CHRM3: variants seen among roughly 807,000 people sequenced by gnomAD.
CHRM3 encodes the protein cholinergic receptor muscarinic 3, also known as muscarinic acetylcholine receptor M3.
Under a neutral mutation model 41.8 loss-of-function variants are expected in CHRM3, and 11 were observed. The observed-to-expected ratio is 0.26, with a 90% confidence interval of 0.17 to 0.44. The LOEUF (loss-of-function observed/expected upper bound fraction) is 0.44. Among genes scored for constraint, CHRM3 ranks in the 20% least tolerant of loss-of-function variants. The pLI is 1.00. For synonymous variants in CHRM3, 297 were observed against 301.4 expected (o/e 0.99, Z 0.15); for missense variants, 571 against 745.4 (o/e 0.77, Z 2.72).
chr1:239,743,788 CTTTTTTTTTTTTT>C (rs10718514), intron 5 of CHRM3, among the ~76,000 whole-genome samples: 22 of 81,186 alleles, frequency 2.7e-4, no homozygotes, highest in Non-Finnish European at 3.9e-4. Context: ...TTTTTTTTTT[CTTTTTTTTTTTTT>C]TTTTTTTTTG....
At position 239,911,978 on chromosome 1, in the gene CHRM3, A is replaced by G. The variant is rs1201750729; in HGVS notation, c.*2754A>G. The stretch of plus-strand genomic sequence containing the variant: ...CTTGTCATTACAGGAGATATTCAGC[A>G]CTTACCTAAGATCAAAATGTCTTCA... On this transcript the variant is annotated 3_prime_UTR_variant, in exon 7 of 7. Coordinates refer to ENST00000676153, the MANE Select transcript of CHRM3 (RefSeq NM_001375978.1). 2 of 167,108 alleles carry G rather than the reference A, an allele frequency of 1.2e-5. No homozygotes were observed. Among genetic ancestry groups the G allele is most frequent in the African/African-American group, 2.4e-5 (1 of 41,460 alleles). 10.4% of individuals were successfully genotyped at this position (167,108 alleles called of 1,614,324 possible). A position where few individuals can be genotyped will look rare whatever the true frequency, so the allele number is the denominator to read the frequency against.
intron 6 of CHRM3, among the ~76,000 whole-genome samples, chr1:239,865,607 G>C (rs974862226): frequency 6.6e-6 from 1 of 152,140 alleles, no homozygotes; most frequent in Non-Finnish European, 1.5e-5. Flanking sequence ...ACATGGCAGA[G>C]CTGAAAAAGT....
intron 4 of CHRM3, among the ~76,000 whole-genome samples, chr1:239,643,570 G>A (rs563412518): frequency 2.0e-5 from 3 of 152,224 alleles, no homozygotes; most frequent in Non-Finnish European, 4.4e-5. Flanking sequence ...GACCCTCCGA[G>A]CCAGGTGCGG....
intron 3 of CHRM3, among the ~76,000 whole-genome samples, chr1:239,602,822 TA>T (rs561007167): frequency 5.5e-4 from 84 of 152,342 alleles, no homozygotes; most frequent in African/African-American, 1.9e-3. Context: ...TTTTCCATAT[TA>T]ACAATTTCTA....
intron 5 of CHRM3, among the ~76,000 whole-genome samples, chr1:239,733,910 T>C (rs1664185734): frequency 6.6e-6 from 1 of 152,142 alleles, no homozygotes; most frequent in Non-Finnish European, 1.5e-5. Flanking sequence ...TAATGTAACA[T>C]ATTAAACTTG....
chr1:239,574,065 AC>A (rs1209053976), intron 3 of CHRM3, among the ~76,000 whole-genome samples: 2 of 152,110 alleles, frequency 1.3e-5, no homozygotes, highest in Non-Finnish European at 2.9e-5. Context: ...AAGCAGACTT[AC>A]CCTGGCAATT....
intron 4 of CHRM3, among the ~76,000 whole-genome samples, chr1:239,637,498 G>C (rs1412614045): frequency 1.5e-5 from 2 of 131,258 alleles, no homozygotes; most frequent in Non-Finnish European, 3.3e-5. Context: ...TTACTGTATG[G>C]TTTTCCTTTC....
At chr1:239,670,170 C>T (rs1214029067) in intron 4 of CHRM3, among the ~76,000 whole-genome samples, 2 of 152,142 alleles carry the variant, frequency 1.3e-5, no homozygotes, top group Non-Finnish European at 2.9e-5. Context: ...TACCATGTTG[C>T]TACCACTAAA....
At chr1:239,508,019 TATTA>T (rs1668686201) in intron 2 of CHRM3, among the ~76,000 whole-genome samples, 1 of 152,148 alleles carries the variant, frequency 6.6e-6, no homozygotes, top group Non-Finnish European at 1.5e-5. Flanking sequence ...AGGCAGAAAA[TATTA>T]ATTCTGACTG....
intron 1 of CHRM3, among the ~76,000 whole-genome samples, chr1:239,485,036 G>T (rs1667098395): frequency 6.6e-6 from 1 of 152,178 alleles, no homozygotes; most frequent in African/African-American, 2.4e-5. Flanking sequence ...TGGAGATCTT[G>T]AAGTTAAGTT....
chr1:239,643,177 T>A (rs1368932876), intron 4 of CHRM3, among the ~76,000 whole-genome samples: 1 of 152,134 alleles, frequency 6.6e-6, no homozygotes, highest in African/African-American at 2.4e-5. Flanking sequence ...CTGCCCCTAC[T>A]GGGGGGTGCC....
intron 3 of CHRM3, among the ~76,000 whole-genome samples, chr1:239,615,706 A>G (rs1667554923): frequency 1.3e-5 from 2 of 151,634 alleles, no homozygotes; most frequent in Admixed American, 1.3e-4. Context: ...GGTGTAATTG[A>G]TGTCACCCCA....
At chr1:239,640,654 C>G (rs1395815150) in intron 4 of CHRM3, among the ~76,000 whole-genome samples, 2 of 149,824 alleles carry the variant, frequency 1.3e-5, no homozygotes, top group East Asian at 3.9e-4. Context: ...ATCCTTCTCT[C>G]TTTTTTTCTT....
intron 5 of CHRM3, among the ~76,000 whole-genome samples, chr1:239,784,641 T>C (rs930045848): frequency 7.2e-5 from 11 of 152,220 alleles, no homozygotes; most frequent in Non-Finnish European, 1.5e-4. Context: ...CAAAATGTTA[T>C]ATGTTAGATT....
rs1676455063 is a variant in CHRM3, at chr1:239,870,186, A to G, written c.-19-37247A>G. ...TTTATTATCTAAAGAGGGAAAGAAT[A>G]GGCATTTTATGCAATGCTGACAAGG... On this transcript the variant is annotated intron_variant, in intron 6 of 6. Coordinates refer to ENST00000676153, the MANE Select transcript of CHRM3 (RefSeq NM_001375978.1). 1.3e-5 allele frequency among the ~76,000 whole-genome samples: 2 copies of G among 152,212 alleles called. 1 individual carries two copies. The highest frequency in any genetic ancestry group is 4.1e-4 in the South Asian group (2 of 4,830).
intron 1 of CHRM3, among the ~76,000 whole-genome samples, chr1:239,469,255 T>C (rs769967541): frequency 2.4e-4 from 37 of 152,352 alleles, no homozygotes; most frequent in Middle Eastern, 3.4e-3. Flanking sequence ...CCACCCAGAA[T>C]TGATCATACC....
chr1:239,692,656 G>A (rs1659828949), intron 5 of CHRM3, among the ~76,000 whole-genome samples: 2 of 152,114 alleles, frequency 1.3e-5, no homozygotes, highest in South Asian at 2.1e-4. Context: ...GAAAACTGAA[G>A]TGCTTGCCAA....
In CHRM3 at chr1:239,387,167, C is replaced by A. The variant is rs778859451; in HGVS notation, c.-581C>A. The A allele has an allele frequency of 8.5e-4, 130 of 152,254 alleles. No individual in the cohort carries two copies. The highest frequency in any genetic ancestry group is 1.7e-3 in the Non-Finnish European group (115 of 68,152). 9.4% of individuals were successfully genotyped at this position (152,254 alleles called of 1,614,324 possible). On this transcript the variant is annotated 5_prime_UTR_variant, in exon 1 of 7. Transcript: ENST00000676153. The surrounding 1 kb of genome is among the most constrained non-coding windows in gnomAD (Gnocchi z 5.1). ...CGAAGGGAAGGTGGAGCGGACGCCA[C>A]CCGCGCACCGGGCAGGCGCGGAGAC...
At chr1:239,686,641 A>T (rs1312432539) in intron 5 of CHRM3, among the ~76,000 whole-genome samples, 1 of 152,170 alleles carries the variant, frequency 6.6e-6, no homozygotes, top group Non-Finnish European at 1.5e-5. Flanking sequence ...TGAGGACTGG[A>T]ATCCTCACCA....
Sources: gnomAD v4.1 joint callset for allele counts (sites outside exome capture counted in the v4.1 genomes callset) on GRCh38, gnomAD v4.1.1 for gene constraint, Gnocchi (gnomAD v3.1) non-coding constraint, MANE v1.5 for transcripts, NCBI Gene and HGNC (gene_info 2026-07-23, HGNC 2026-07-21) for gene names.